The following LTN1 variants were observed in gnomAD, a reference collection of about 807,000 sequenced individuals.
The protein encoded by LTN1 is E3 ubiquitin-protein ligase listerin.
A neutral mutation model predicts 201.2 loss-of-function variants in LTN1; 88 were observed. The ratio of observed to expected loss-of-function variants is 0.44; its 90% CI spans 0.37 to 0.52. The LOEUF (loss-of-function observed/expected upper bound fraction) is 0.52, where lower values mean the gene tolerates loss of function less well. LTN1 is among the 20% of genes least tolerant of loss of function. The pLI, the probability that LTN1 is intolerant of heterozygous loss-of-function variation, is 0.00. For synonymous variants in LTN1, 645 were observed against 713.5 expected (o/e 0.90, Z 1.53); for missense variants, 1,752 against 2,038.7 (o/e 0.86, Z 2.71).
intron 21 of LTN1, 42 bp from the exon 22 acceptor site, chr21:28,944,638 C>T: frequency 1.5e-6 from 2 of 1,361,008 alleles, no homozygotes; most frequent in Admixed American, 1.9e-5. Flanking sequence ...CAGACTTCTA[C>T]CAGAACACTA....
chr21:28,983,414 A>T (rs2084673552), intron 4 of LTN1, among the ~76,000 whole-genome samples: 1 of 152,248 alleles, frequency 6.6e-6, no homozygotes, highest in Admixed American at 6.5e-5. Context: ...TCAACCAATG[A>T]TTCTTATGCT....
intron 8 of LTN1, 50 bp from the exon 9 acceptor site, chr21:28,969,651 A>G: frequency 7.0e-7 from 1 of 1,422,094 alleles, no homozygotes; most frequent in Non-Finnish European, 9.5e-7. Flanking sequence ...AAGAAACAAG[A>G]ACTCAGAATT....
At chr21:28,980,024 T>C (rs964172737) in intron 6 of LTN1, among the ~76,000 whole-genome samples, 3 of 152,050 alleles carry the variant, frequency 2.0e-5, no homozygotes, top group African/African-American at 4.8e-5. Context: ...TGGACATGCA[T>C]AGAATGGCAA....
chr21:28,988,777 C>T (rs934391369), intron 1 of LTN1, among the ~76,000 whole-genome samples: 6 of 151,712 alleles, frequency 4.0e-5, no homozygotes, highest in Non-Finnish European at 7.4e-5. Flanking sequence ...ACCAGCCTGG[C>T]CAACATGGTG....
chr21:28,986,142 T>C lies in LTN1; in HGVS notation c.342A>G (p.Ser114=). ...PYWPRIFCKI[S]LDHDRRVREA... ...CTAGCAAAGTTTTAATACTTACAAG[T>C]GAAATTTTGCAAAAAATTCTTGGCC... Residue 114 remains serine, a synonymous_variant, in exon 3 of 30, where the codon TCA becomes TCG. Coordinates refer to ENST00000361371, the MANE Select transcript of LTN1 (RefSeq NM_015565.3). This position sits in a 1 kb window ranked among gnomAD's most constrained non-coding sequence, Gnocchi z 4.1. 6.3e-7 allele frequency: 1 copy of C among 1,587,096 alleles called. No homozygotes were observed. The highest frequency in any genetic ancestry group is 8.7e-7 in the Non-Finnish European group (1 of 1,155,626).
rs2084320427 is a variant in LTN1, at chr21:28,944,362, AT to A, written c.3982+20del. ...TCATTTCCAATGAATCAATCTCACT[AT>A]TATTCCCTTTTTCACTTGCCTGTAA... On this transcript the variant is annotated intron_variant, in intron 22 of 29. Transcript: ENST00000361371. 6 of 1,570,114 alleles carry A rather than the reference AT, an allele frequency of 3.8e-6. No individual in the cohort carries two copies. The highest frequency in any genetic ancestry group is 5.3e-6 in the Non-Finnish European group (6 of 1,140,256).
chr21:28,938,674 C>T (rs1476519657), intron 25 of LTN1, among the ~76,000 whole-genome samples: 1 of 152,170 alleles, frequency 6.6e-6, no homozygotes, highest in Admixed American at 6.5e-5. Flanking sequence ...AACCTAAATG[C>T]CCATTAATGG....
At chr21:28,948,056 G>A (rs1281771200) in intron 18 of LTN1, among the ~76,000 whole-genome samples, 1 of 150,210 alleles carries the variant, frequency 6.7e-6, no homozygotes, top group Non-Finnish European at 1.5e-5. Context: ...GCCGGGTGTG[G>A]TGGCAGGCAC....
intron 18 of LTN1, among the ~76,000 whole-genome samples, chr21:28,950,890 A>G (rs1468832854): frequency 2.0e-5 from 3 of 152,188 alleles, no homozygotes; most frequent in African/African-American, 7.2e-5. Context: ...AGAGATTAGG[A>G]CAATGGGAAG....
At position 28,967,133 on chromosome 21, in the gene LTN1, T is replaced by C. The variant is rs758419061; in HGVS notation, c.1358A>G (p.His453Arg). The C allele has an allele frequency of 3.0e-5, 49 of 1,613,930 alleles. No homozygotes were observed. The highest frequency in any genetic ancestry group is 1.6e-4 in the Middle Eastern group (1 of 6,082). ...DAVLKDPGLQ[H>R]GQLFNHLAET... ...TGCTAAATGGTTAAATAGCTGCCCA[T>C]GTTGCAATCCTGGGTCTTTGAGAAC... Residue 453 changes from histidine (H) to arginine (R), a missense_variant, in exon 10 of 30, where the codon CAT (histidine) becomes CGT (arginine). This residue lies in a region of LTN1 where 1,211 missense variants were observed against 1,312.8 expected (regional missense o/e 0.92). Transcript: ENST00000361371.
intron 1 of LTN1, among the ~76,000 whole-genome samples, chr21:28,992,057 T>C (rs1438336580): frequency 6.6e-6 from 1 of 152,156 alleles, no homozygotes; most frequent in Non-Finnish European, 1.5e-5. Context: ...AGACAATAAA[T>C]GTCATAAATA....
rs542599666 is a variant in LTN1 at position 28,944,366 on chromosome 21, T to C, written c.3982+17A>G. 3.2e-6 allele frequency: 5 copies of C among 1,582,188 alleles called. No individual in the cohort carries two copies. The South Asian group carries it at 5.5e-5, about 18-fold the overall frequency. On this transcript the variant is annotated intron_variant, in intron 22 of 29. Coordinates refer to ENST00000361371, the MANE Select transcript of LTN1 (RefSeq NM_015565.3). Reference sequence around the variant, plus strand: ...TTCCAATGAATCAATCTCACTATTATTCCCTTTTTCACTTGCCTGTAACAG... The same window carrying C: ...TTCCAATGAATCAATCTCACTATTACTCCCTTTTTCACTTGCCTGTAACAG...
intron 11 of LTN1, chr21:28,964,516 A>T: frequency 7.0e-7 from 1 of 1,436,462 alleles, no homozygotes; most frequent in African/African-American, 1.4e-5. Flanking sequence ...TTTTATATGC[A>T]CTGGCAATCC....
intron 1 of LTN1, 30 bp downstream of exon 1, chr21:28,992,734 C>A: frequency 6.2e-7 from 1 of 1,613,292 alleles, no homozygotes; most frequent in African/African-American, 1.3e-5. Context: ...AAGCGAGGCT[C>A]CCGGGTCGGC....
intron 6 of LTN1, among the ~76,000 whole-genome samples, chr21:28,977,237 G>T (rs1020237981): frequency 3.3e-5 from 5 of 152,066 alleles, no homozygotes; most frequent in African/African-American, 1.2e-4. Flanking sequence ...AGCTGGGCGT[G>T]GTGGCAGGCA....
intron 21 of LTN1, among the ~76,000 whole-genome samples, chr21:28,945,208 G>A (rs537198180): frequency 1.3e-5 from 2 of 152,058 alleles, no homozygotes; most frequent in African/African-American, 2.4e-5. Flanking sequence ...GCAACAGAGC[G>A]AGATTCTATC....
intron 1 of LTN1, among the ~76,000 whole-genome samples, chr21:28,989,787 G>A (rs1446260238): frequency 2.0e-5 from 3 of 151,890 alleles, no homozygotes; most frequent in South Asian, 2.1e-4. Flanking sequence ...CGTATCTTTG[G>A]GCAGATCACT....
chr21:28,981,321 T>C (rs954052237), intron 5 of LTN1, 22 bp from the exon 6 acceptor site: 2 of 1,339,138 alleles, frequency 1.5e-6, no homozygotes, highest in East Asian at 2.8e-5. Flanking sequence ...ACAAAATAAA[T>C]ATATTTAAAA....
At chr21:28,936,161 C>G (rs1224586794) in intron 26 of LTN1, among the ~76,000 whole-genome samples, 12 of 152,110 alleles carry the variant, frequency 7.9e-5, no homozygotes, top group Admixed American at 7.9e-4. Flanking sequence ...GTAGTACAAC[C>G]AGATACATGC....
Sources: gnomAD v4.1 joint callset for allele counts (sites outside exome capture counted in the v4.1 genomes callset) on GRCh38, gnomAD v4.1.1 for gene constraint, gnomAD v4.1.1 regional missense constraint, Gnocchi (gnomAD v3.1) non-coding constraint, MANE v1.5 for transcripts, NCBI Gene and HGNC (gene_info 2026-07-23, HGNC 2026-07-21) for gene names.